ANKRD52: variants seen among roughly 807,000 people sequenced by gnomAD.
ANKRD52 encodes serine/threonine-protein phosphatase 6 regulatory ankyrin repeat subunit C.
In ANKRD52, 7 loss-of-function variants were observed where a neutral mutation model predicts 116.0. That is an observed-to-expected ratio of 0.06 (90% CI 0.03 to 0.11). The LOEUF is 0.11. Ranked by LOEUF, ANKRD52 falls within the 10% of genes least tolerant of loss-of-function variation. ANKRD52 has a pLI of 1.00. For synonymous variants in ANKRD52, 528 were observed against 578.1 expected (o/e 0.91, Z 1.24); for missense variants, 839 against 1,408.6 (o/e 0.60, Z 6.47).
At chr12:56,245,806 C>G (rs1371970470) in intron 20 of ANKRD52, among the ~76,000 whole-genome samples, 1 of 151,152 alleles carries the variant, frequency 6.6e-6, no homozygotes, top group Non-Finnish European at 1.5e-5. Context: ...CCTCTGCCTC[C>G]CCGGTTCAAG....
chr12:56,253,654 C>T lies in ANKRD52; in HGVS notation c.985+68G>A. 6.5e-7 allele frequency: 1 copy of T among 1,541,226 alleles called. No individual in the cohort carries two copies. On this transcript the variant is annotated intron_variant, in intron 9 of 27. Coordinates refer to ENST00000267116, the MANE Select transcript of ANKRD52 (RefSeq NM_173595.4). The surrounding 1 kb of genome is among the most constrained non-coding windows in gnomAD (Gnocchi z 5.5). ...GCAGGAGAAGGAAGTTAGGAACCTCCCTAGATTCTAGAAATGAGTTCCTTG... is the reference window on the plus strand; with the variant it reads ...GCAGGAGAAGGAAGTTAGGAACCTCTCTAGATTCTAGAAATGAGTTCCTTG...
In ANKRD52 at chr12:56,248,484, G is replaced by A. The variant is rs917459686; in HGVS notation, c.1776+11C>T. 7.6e-6 allele frequency: 12 copies of A among 1,587,858 alleles called. No individual in the cohort carries two copies. Among genetic ancestry groups the A allele is most frequent in the African/African-American group, 5.4e-5 (4 of 74,332 alleles). On this transcript the variant is annotated intron_variant, in intron 17 of 27. Coordinates refer to ENST00000267116, the MANE Select transcript of ANKRD52 (RefSeq NM_173595.4). The surrounding 1 kb of genome is among the most constrained non-coding windows in gnomAD (Gnocchi z 5.1). The stretch of plus-strand genomic sequence containing the variant: ...ACAAGGAAGGCAACAGAAAAAAGAC[G>A]TGGGACTCACAGCTAAGTGCAAAGG...
chr12:56,245,028 G>T lies in ANKRD52; in HGVS notation c.2493-39C>A, dbSNP rs373555339. On this transcript the variant is annotated intron_variant, in intron 22 of 27. Coordinates refer to ENST00000267116, the MANE Select transcript of ANKRD52 (RefSeq NM_173595.4). ...GAGGAGGGGTCATCAGGAAGGACAA[G>T]GGAAGTAGACTACCTGTCCTAAGCT... 1.1e-5 allele frequency: 18 copies of T among 1,613,032 alleles called. No homozygotes were observed. The African/African-American group carries it at 2.3e-4, about 20-fold the overall frequency.
Position 56,240,653 on chromosome 12 carries a change from A to G in ANKRD52, c.*2489T>C, listed in dbSNP as rs1871127120. 1 of 152,214 alleles carries G rather than the reference A, an allele frequency of 6.6e-6. No homozygotes were observed. Among genetic ancestry groups the G allele is most frequent in the Admixed American group, 6.5e-5 (1 of 15,282 alleles). 9.4% of individuals were successfully genotyped at this position (152,214 alleles called of 1,614,324 possible). ...CCATGAGAATGGTCAAAATGCTTCA[A>G]AAAACACTAGGGCTGGGGAGCCCAG... On this transcript the variant is annotated 3_prime_UTR_variant, in exon 28 of 28. Coordinates refer to ENST00000267116, the MANE Select transcript of ANKRD52 (RefSeq NM_173595.4). This position sits in a 1 kb window ranked among gnomAD's most constrained non-coding sequence, Gnocchi z 4.2.
At position 56,253,663 on chromosome 12, in the gene ANKRD52, T is replaced by C; in HGVS notation, c.985+59A>G. 1.3e-6 allele frequency: 2 copies of C among 1,564,600 alleles called. No individual in the cohort carries two copies. Among genetic ancestry groups the C allele is most frequent in the South Asian group, 1.1e-5 (1 of 89,406 alleles). On this transcript the variant is annotated intron_variant, in intron 9 of 27. Coordinates refer to ENST00000267116, the MANE Select transcript of ANKRD52 (RefSeq NM_173595.4). The surrounding 1 kb of genome is among the most constrained non-coding windows in gnomAD (Gnocchi z 5.5). Reference sequence around the variant, plus strand: ...GGAAGTTAGGAACCTCCCTAGATTCTAGAAATGAGTTCCTTGGGGGAGGAG... The same window carrying C: ...GGAAGTTAGGAACCTCCCTAGATTCCAGAAATGAGTTCCTTGGGGGAGGAG...
Position 56,243,139 on chromosome 12 carries a change from G to A in ANKRD52, c.*3C>T. 4 of 1,589,654 alleles carry A rather than the reference G, an allele frequency of 2.5e-6. No individual in the cohort carries two copies. Among genetic ancestry groups the A allele is most frequent in the Non-Finnish European group, 3.4e-6 (4 of 1,166,484 alleles). On this transcript the variant is annotated 3_prime_UTR_variant, in exon 28 of 28. Transcript: ENST00000267116. The surrounding 1 kb of genome is among the most constrained non-coding windows in gnomAD (Gnocchi z 4.6). ...ACCGGCGGGGGAGGGACACTGGAGG[G>A]GGCTACTCAGAGTAGCAGCCATCTA...
chr12:56,244,356 G>A lies in ANKRD52; in HGVS notation c.2802C>T (p.Ser934=). 6.2e-7 allele frequency: 1 copy of A among 1,613,880 alleles called. No individual in the cohort carries two copies. The highest frequency in any genetic ancestry group is 8.5e-7 in the Non-Finnish European group (1 of 1,179,818). The change falls in exon 25 of 28, where the codon AGC becomes AGT. Residue 934 remains serine, a synonymous_variant. Coordinates refer to ENST00000267116, the MANE Select transcript of ANKRD52 (RefSeq NM_173595.4). The surrounding 1 kb of genome is among the most constrained non-coding windows in gnomAD (Gnocchi z 4.9). The stretch of plus-strand genomic sequence containing the variant: ...CCCAATCACTTCAGGTAAGTACCTT[G>A]CTACAAGCCAAGTGGAGGGCCGTGT... The part of the protein sequence containing the change: ...NKNTALHLAC[S]KGHEKCALMI...
At position 56,245,850 on chromosome 12, in the gene ANKRD52, G is replaced by C. The variant is rs374203001; in HGVS notation, c.2185-254C>G. Among the ~76,000 whole-genome samples, 12 of 151,452 alleles carry C rather than the reference G, an allele frequency of 7.9e-5. No individual in the cohort carries two copies. In the South Asian group the frequency reaches 2.5e-3, roughly 32 times the overall value. ...CTGCCTCAGCCTCCCAAGTAGCTGG[G>C]ATTACAGGCAGGTGCCACCATGCCC... On this transcript the variant is annotated intron_variant, in intron 20 of 27. Transcript: ENST00000267116.
At position 56,239,596 on chromosome 12, in the gene ANKRD52, T is replaced by C. The variant is rs1188746881; in HGVS notation, c.*3546A>G. The C allele has an allele frequency of 1.3e-5, 2 of 152,168 alleles. No homozygotes were observed. Among genetic ancestry groups the C allele is most frequent in the Non-Finnish European group, 2.9e-5 (2 of 68,072 alleles). 9.4% of individuals were successfully genotyped at this position (152,168 alleles called of 1,614,324 possible). Reference sequence around the variant, plus strand: ...CCCGCTGGAGCAGTCACTGGAGTCATTTAGACAAAAACACTCATGTGCATA... The same window carrying C: ...CCCGCTGGAGCAGTCACTGGAGTCACTTAGACAAAAACACTCATGTGCATA... On this transcript the variant is annotated 3_prime_UTR_variant, in exon 28 of 28. Transcript: ENST00000267116.
Position 56,242,442 on chromosome 12 carries a change from G to T in ANKRD52, c.*700C>A, listed in dbSNP as rs752380592. On this transcript the variant is annotated 3_prime_UTR_variant, in exon 28 of 28. Coordinates refer to ENST00000267116, the MANE Select transcript of ANKRD52 (RefSeq NM_173595.4). This position sits in a 1 kb window ranked among gnomAD's most constrained non-coding sequence, Gnocchi z 4.3. ...AGGGAATGGGGAGGGGGCAGGCTGT[G>T]GGGGCAGAACCAGCCCTTGATTTGC... The T allele has an allele frequency of 2.6e-5, 9 of 345,516 alleles. No homozygotes were observed. Among genetic ancestry groups the T allele is most frequent in the Non-Finnish European group, 4.7e-5 (9 of 192,564 alleles). 21.4% of individuals were successfully genotyped at this position (345,516 alleles called of 1,614,324 possible).
chr12:56,251,523 A>C (rs1871691957), intron 15 of ANKRD52, among the ~76,000 whole-genome samples: 1 of 152,146 alleles, frequency 6.6e-6, no homozygotes. Context: ...TAGGATTACA[A>C]GCTTGAGCCA....
chr12:56,247,928 A>C, intron 18 of ANKRD52, 95 bp downstream of exon 18: 1 of 1,398,892 alleles, frequency 7.1e-7, no homozygotes, highest in Non-Finnish European at 9.7e-7. Context: ...TGAAGTCTCC[A>C]TTCTCCTCAC....
intron 15 of ANKRD52, among the ~76,000 whole-genome samples, chr12:56,251,801 G>GT (rs112384328): frequency 2.6e-4 from 38 of 149,004 alleles, no homozygotes; most frequent in African/African-American, 8.6e-4. Context: ...ATACTTTTGG[G>GT]TTTTTTTTTC....
chr12:56,253,629 G>T lies in ANKRD52; in HGVS notation c.985+93C>A. 1 of 1,367,664 alleles carries T rather than the reference G, an allele frequency of 7.3e-7. No homozygotes were observed. Among genetic ancestry groups the T allele is most frequent in the Non-Finnish European group, 1.0e-6 (1 of 973,686 alleles). 84.7% of individuals were successfully genotyped at this position (1,367,664 alleles called of 1,614,324 possible). A position where few individuals can be genotyped will look rare whatever the true frequency, so the allele number is the denominator to read the frequency against. Reference sequence around the variant, plus strand: ...CAAGGGCCTATCCTACTGGAAGAGGGCAGGAGAAGGAAGTTAGGAACCTCC... The same window carrying T: ...CAAGGGCCTATCCTACTGGAAGAGGTCAGGAGAAGGAAGTTAGGAACCTCC... On this transcript the variant is annotated intron_variant, in intron 9 of 27. Coordinates refer to ENST00000267116, the MANE Select transcript of ANKRD52 (RefSeq NM_173595.4). This position sits in a 1 kb window ranked among gnomAD's most constrained non-coding sequence, Gnocchi z 5.5.
Position 56,248,288 on chromosome 12 carries a change from C to A in ANKRD52, c.1777-64G>T. 1 of 1,579,794 alleles carries A rather than the reference C, an allele frequency of 6.3e-7. No individual in the cohort carries two copies. The highest frequency in any genetic ancestry group is 1.3e-5 in the African/African-American group (1 of 74,456). ...CCTTCCCTGCTCCTCCCTTCCCCTT[C>A]TCTGCTCTTGGGGTCCCTGGGAAGC... On this transcript the variant is annotated intron_variant, in intron 17 of 27. Coordinates refer to ENST00000267116, the MANE Select transcript of ANKRD52 (RefSeq NM_173595.4). This position sits in a 1 kb window ranked among gnomAD's most constrained non-coding sequence, Gnocchi z 5.1.
In ANKRD52 at chr12:56,253,225, G is replaced by A; in HGVS notation, c.1100+63C>T. On this transcript the variant is annotated intron_variant, in intron 10 of 27. Transcript: ENST00000267116. This position sits in a 1 kb window ranked among gnomAD's most constrained non-coding sequence, Gnocchi z 5.5. ...TGGCAAGCTTATCTGTGCCTCCATG[G>A]TTGATGTGAGCAGTCTGTGCAGATC... The A allele has an allele frequency of 6.6e-7, 1 of 1,524,960 alleles. No homozygotes were observed. The highest frequency in any genetic ancestry group is 9.0e-7 in the Non-Finnish European group (1 of 1,108,978). The allele number at this position is 1,524,960 out of a possible 1,614,324, so 94.5% of individuals were successfully genotyped here.
chr12:56,249,303 G>T (rs947780723), intron 15 of ANKRD52, among the ~76,000 whole-genome samples: 6 of 152,154 alleles, frequency 3.9e-5, no homozygotes, highest in African/African-American at 1.4e-4. Context: ...GCCTTCCCTG[G>T]GGAAGATGCC....
chr12:56,255,273 C>T lies in ANKRD52; in HGVS notation c.463-321G>A, dbSNP rs1871895616. 6.6e-6 allele frequency among the ~76,000 whole-genome samples: 1 copy of T among 151,366 alleles called. No individual in the cohort carries two copies. The highest frequency in any genetic ancestry group is 1.5e-5 in the Non-Finnish European group (1 of 67,926). On this transcript the variant is annotated intron_variant, in intron 5 of 27. Transcript: ENST00000267116. The surrounding 1 kb of genome is among the most constrained non-coding windows in gnomAD (Gnocchi z 4.3). ...TGGCATGATTTCGGCTCATTGCAAG[C>T]TCCGCCTCCCGGGTTCACGCCATTC...
At chr12:56,250,746 AAAAG>A (rs1183744787) in intron 15 of ANKRD52, among the ~76,000 whole-genome samples, 9 of 150,918 alleles carry the variant, frequency 6.0e-5, no homozygotes, top group South Asian at 2.1e-4. Context: ...AAAAAAAAAA[AAAAG>A]AAAGAAAAAG....
Sources: allele counts gnomAD v4.1 joint callset (sites outside exome capture counted in the v4.1 genomes callset), GRCh38; gene constraint gnomAD v4.1.1; non-coding constraint Gnocchi (gnomAD v3.1); transcripts MANE v1.5; gene names NCBI Gene and HGNC (gene_info 2026-07-23, HGNC 2026-07-21).